The following SRGAP2 variants were observed in gnomAD, a reference collection of about 807,000 sequenced individuals.
SRGAP2 encodes the protein SLIT-ROBO Rho GTPase-activating protein 2.
SRGAP2 carries 15 observed loss-of-function variants against 57.2 expected under a neutral mutation model. The observed-to-expected ratio is 0.26, with a 90% CI of 0.18 to 0.40. The LOEUF (loss-of-function observed/expected upper bound fraction) is 0.40, where lower values mean the gene tolerates loss of function less well. Ranked by LOEUF, SRGAP2 falls within the 10% of genes least tolerant of loss-of-function variation. The pLI, the probability that SRGAP2 is intolerant of heterozygous loss-of-function variation, is 1.00. For missense variants in SRGAP2, 520 were observed against 669.6 expected (o/e 0.78, Z 2.47); for synonymous variants, 249 against 248.0 (o/e 1.00, Z -0.04).
At chr1:206,417,003 A>G (rs1659777323) in intron 11 of SRGAP2, among the ~76,000 whole-genome samples, 1 of 151,916 alleles carries the variant, frequency 6.6e-6, no homozygotes, top group African/African-American at 2.4e-5. Context: ...TTCTTATTAT[A>G]CCAGAACCTC....
chr1:206,357,469 A>T (rs373763161), intron 4 of SRGAP2, among the ~76,000 whole-genome samples: 1 of 151,192 alleles, frequency 6.6e-6, no homozygotes, highest in Non-Finnish European at 1.5e-5. Flanking sequence ...AAGCATTTTT[A>T]TCATGTCATT....
intron 2 of SRGAP2, among the ~76,000 whole-genome samples, chr1:206,278,002 GAGT>G (rs1258295911): frequency 0.016 from 2,462 of 151,708 alleles, 34 homozygotes; most frequent in East Asian, 0.054. Context: ...GAATAAAATA[GAGT>G]AGAAGACGCT....
At chr1:206,426,083 G>A (rs903745804) in intron 13 of SRGAP2, among the ~76,000 whole-genome samples, 1 of 152,094 alleles carries the variant, frequency 6.6e-6, no homozygotes, top group Non-Finnish European at 1.5e-5. Flanking sequence ...CTGACCTCAG[G>A]TGAGCCACCT....
intron 2 of SRGAP2, among the ~76,000 whole-genome samples, chr1:206,299,766 C>T (rs1342559173): frequency 6.6e-6 from 1 of 151,996 alleles, no homozygotes; most frequent in Admixed American, 6.6e-5. Context: ...AAGATGGTAA[C>T]AAGGGAGGCA....
chr1:206,447,701 A>G (rs1662884386), intron 18 of SRGAP2, among the ~76,000 whole-genome samples: 1 of 152,182 alleles, frequency 6.6e-6, no homozygotes, highest in African/African-American at 2.4e-5. Context: ...AAGCTGTAGA[A>G]TAGCATTCCC....
At chr1:206,428,433 A>AAG (rs1661001272) in intron 13 of SRGAP2, among the ~76,000 whole-genome samples, 1 of 151,756 alleles carries the variant, frequency 6.6e-6, no homozygotes, top group African/African-American at 2.4e-5. Context: ...AAAAAAAAAA[A>AAG]AAAAAGAAAA....
At chr1:206,394,575 G>A (rs1433946774) in intron 7 of SRGAP2, among the ~76,000 whole-genome samples, 2 of 152,180 alleles carry the variant, frequency 1.3e-5, no homozygotes, top group African/African-American at 4.8e-5. Flanking sequence ...AGACTCACTT[G>A]TCCAAGGTTA....
At chr1:206,340,129 T>C (rs564573506) in intron 3 of SRGAP2, among the ~76,000 whole-genome samples, 1 of 151,750 alleles carries the variant, frequency 6.6e-6, no homozygotes, top group Non-Finnish European at 1.5e-5. Flanking sequence ...TAAGGCATTT[T>C]ATTTTAAAAG....
intron 2 of SRGAP2, among the ~76,000 whole-genome samples, chr1:206,284,656 C>T (rs1197383898): frequency 3.9e-5 from 6 of 152,012 alleles, no homozygotes; most frequent in African/African-American, 1.5e-4. Context: ...GCCATGTTGG[C>T]CAGGCTGGTC....
intron 2 of SRGAP2, among the ~76,000 whole-genome samples, chr1:206,238,675 A>G (rs1260848350): frequency 8.8e-5 from 13 of 147,530 alleles, no homozygotes; most frequent in East Asian, 2.0e-4. Context: ...CTTTCTGGGA[A>G]CCAGGGTAGG....
intron 12 of SRGAP2, among the ~76,000 whole-genome samples, chr1:206,419,801 C>A (rs1208801591): frequency 2.6e-5 from 4 of 151,074 alleles, no homozygotes; most frequent in African/African-American, 7.3e-5. Context: ...CAGGAGATGG[C>A]ATTTGATTTT....
chr1:206,240,502 A>T (rs1195905342), intron 2 of SRGAP2, among the ~76,000 whole-genome samples: 4 of 152,116 alleles, frequency 2.6e-5, no homozygotes, highest in African/African-American at 9.7e-5. Flanking sequence ...GCACGCATGC[A>T]AGCAAGCAGA....
Position 206,414,485 on chromosome 1 carries a change from T to C in SRGAP2, c.1357-1404T>C, listed in dbSNP as rs185554973. Reference sequence around the variant, plus strand: ...AAAATGGTGCATCCACCTATCTACCTCAGTGATCTCATATATCACCAGTAA... The same window carrying C: ...AAAATGGTGCATCCACCTATCTACCCCAGTGATCTCATATATCACCAGTAA... On this transcript the variant is annotated intron_variant, in intron 10 of 22. Coordinates refer to ENST00000573034, the MANE Select transcript of SRGAP2 (RefSeq NM_015326.5). Among the ~76,000 whole-genome samples the C allele has an allele frequency of 1.8e-3, 274 of 152,312 alleles. 3 individuals carry two copies. The highest frequency in any genetic ancestry group is 6.5e-3 in the African/African-American group (269 of 41,568).
chr1:206,445,858 C>G (rs1247685753), intron 17 of SRGAP2, among the ~76,000 whole-genome samples: 4 of 152,174 alleles, frequency 2.6e-5, no homozygotes, highest in Non-Finnish European at 5.9e-5. Flanking sequence ...GAGCTGCAAG[C>G]AAGTACCTCT....
intron 13 of SRGAP2, among the ~76,000 whole-genome samples, chr1:206,427,156 T>A (rs1660867232): frequency 6.6e-6 from 1 of 152,156 alleles, no homozygotes; most frequent in African/African-American, 2.4e-5. Context: ...TGGTGAGAGA[T>A]AGGATCTAGT....
At chr1:206,441,047 A>G (rs1553371855) in intron 17 of SRGAP2, among the ~76,000 whole-genome samples, 1 of 152,178 alleles carries the variant, frequency 6.6e-6, no homozygotes, top group African/African-American at 2.4e-5. Context: ...TAGCATTAAC[A>G]GGATTTGCCC....
chr1:206,206,358 C>T lies in SRGAP2; in HGVS notation c.67+321C>T, dbSNP rs1460376218. ...CTCTTAGAGAAAGGCAGTTTGCCTC[C>T]GGTTCTCTGGGTCAGGTTTCCTTGA... On this transcript the variant is annotated intron_variant, in intron 2 of 22. Transcript: ENST00000573034. The T allele has an allele frequency of 2.7e-5, 7 of 259,416 alleles. No homozygotes were observed. The East Asian group carries it at 4.7e-4, about 17-fold the overall frequency. The allele number at this position is 259,416 out of a possible 1,614,324, so 16.1% of individuals were successfully genotyped here. A position where few individuals can be genotyped will look rare whatever the true frequency, so the allele number is the denominator to read the frequency against.
chr1:206,257,895 C>T (rs1177613075), intron 2 of SRGAP2, among the ~76,000 whole-genome samples: 4 of 149,000 alleles, frequency 2.7e-5, no homozygotes, highest in Non-Finnish European at 6.0e-5. Flanking sequence ...GAAGGCCTCT[C>T]TGAGGAGGTG....
intron 3 of SRGAP2, among the ~76,000 whole-genome samples, chr1:206,340,220 G>T: frequency 6.9e-6 from 1 of 145,430 alleles, no homozygotes; most frequent in Non-Finnish European, 1.5e-5. Context: ...GGGGATATGT[G>T]CTCTGCATCC....
Sources: allele counts gnomAD v4.1 joint callset (sites outside exome capture counted in the v4.1 genomes callset), GRCh38; gene constraint gnomAD v4.1.1; transcripts MANE v1.5; gene names NCBI Gene and HGNC (gene_info 2026-07-23, HGNC 2026-07-21).